MYH10: variants seen among roughly 807,000 people sequenced by gnomAD.
MYH10 encodes the protein myosin heavy chain 10.
Under a neutral mutation model 257.8 loss-of-function variants are expected in MYH10, and 55 were observed. The ratio of observed to expected loss-of-function variants is 0.21; its 90% confidence interval spans 0.17 to 0.27. The LOEUF (loss-of-function observed/expected upper bound fraction) is 0.27. Ranked by LOEUF, MYH10 falls within the 10% of genes least tolerant of loss-of-function variation. MYH10 has a pLI of 1.00. For missense variants in MYH10, 1,631 were observed against 2,500.6 expected, an observed-to-expected ratio of 0.65 and a Z score of 7.42; for synonymous variants, 854 against 921.7, an observed-to-expected ratio of 0.93 and a Z score of 1.33.
chr17:8,592,952 T>C lies in MYH10; in HGVS notation c.503-3844A>G, dbSNP rs1347600118. On this transcript the variant is annotated intron_variant, in intron 3 of 42. Coordinates refer to ENST00000360416, the MANE Select transcript of MYH10 (RefSeq NM_001256012.3). ...ATCCAGCTATATATATATATATATATATATATATATATATATATAAAAGAT... is the reference window on the plus strand; with the variant it reads ...ATCCAGCTATATATATATATATATACATATATATATATATATATAAAAGAT... Among the ~76,000 whole-genome samples the C allele has an allele frequency of 3.6e-4, 41 of 112,574 alleles. 6 individuals are homozygous for C. The highest frequency in any genetic ancestry group is 4.0e-4 in the Non-Finnish European group (21 of 52,068). 73.9% of individuals were successfully genotyped at this position (112,574 alleles called of 152,430 possible). A position where few individuals can be genotyped will look rare whatever the true frequency, so the allele number is the denominator to read the frequency against.
intron 30 of MYH10, among the ~76,000 whole-genome samples, chr17:8,498,764 T>C (rs979751303): frequency 6.6e-6 from 1 of 151,690 alleles, no homozygotes; most frequent in East Asian, 1.9e-4. Flanking sequence ...AGGAGAATAG[T>C]GTGAACCCGG....
chr17:8,518,138 T>A (rs1231395582), intron 21 of MYH10, among the ~76,000 whole-genome samples: 1 of 150,998 alleles, frequency 6.6e-6, no homozygotes, highest in Non-Finnish European at 1.5e-5. Context: ...TGTGTGTGTG[T>A]GTGTGTGTGT....
intron 40 of MYH10, 89 bp downstream of exon 40, chr17:8,480,021 G>A (rs1323386104): frequency 3.8e-6 from 5 of 1,304,992 alleles, no homozygotes; most frequent in Non-Finnish European, 5.3e-6. Context: ...CCCACGTGGT[G>A]GGGAGCCCCC....
intron 38 of MYH10, among the ~76,000 whole-genome samples, chr17:8,480,826 C>T (rs553176519): frequency 1.3e-5 from 2 of 152,232 alleles, no homozygotes; most frequent in East Asian, 3.9e-4. Context: ...GCCAGAGTCG[C>T]TTTCAAAACG....
At chr17:8,558,806 T>C (rs2082892643) in intron 7 of MYH10, among the ~76,000 whole-genome samples, 1 of 152,252 alleles carries the variant, frequency 6.6e-6, no homozygotes, top group African/African-American at 2.4e-5. Context: ...CATCTTTAGA[T>C]TTGTAAGCAT....
chr17:8,625,447 C>T (rs1428815282), intron 1 of MYH10, among the ~76,000 whole-genome samples: 3 of 151,734 alleles, frequency 2.0e-5, no homozygotes, highest in Non-Finnish European at 2.9e-5. Flanking sequence ...CCCAGAGTCC[C>T]TGATTCAGTA....
chr17:8,531,446 G>T (rs764860950), intron 16 of MYH10, among the ~76,000 whole-genome samples: 8 of 151,870 alleles, frequency 5.3e-5, no homozygotes, highest in Non-Finnish European at 1.2e-4. Flanking sequence ...GCAAAAAGTA[G>T]GGCATTATAA....
At chr17:8,600,047 T>G (rs2084531995) in intron 3 of MYH10, among the ~76,000 whole-genome samples, 1 of 152,144 alleles carries the variant, frequency 6.6e-6, no homozygotes. Flanking sequence ...AAGGTAGGAT[T>G]AGCAAGAGTT....
intron 14 of MYH10, among the ~76,000 whole-genome samples, chr17:8,539,485 G>A (rs921052120): frequency 6.6e-6 from 1 of 152,166 alleles, no homozygotes; most frequent in Admixed American, 6.5e-5. Flanking sequence ...CTGTTTTCTG[G>A]CTTCAAGATC....
chr17:8,608,468 G>A (rs534786618), intron 2 of MYH10, among the ~76,000 whole-genome samples: 1 of 152,276 alleles, frequency 6.6e-6, no homozygotes, highest in Non-Finnish European at 1.5e-5. Flanking sequence ...AACATTATTC[G>A]TGGAAGGAAA....
At chr17:8,583,083 A>G (rs1567937602) in intron 4 of MYH10, among the ~76,000 whole-genome samples, 4 of 152,234 alleles carry the variant, frequency 2.6e-5, no homozygotes, top group African/African-American at 9.6e-5. Flanking sequence ...TGTGATCAAC[A>G]TAGGCTTGGA....
chr17:8,586,096 G>GA (rs1356355394), intron 4 of MYH10, among the ~76,000 whole-genome samples: 1 of 152,168 alleles, frequency 6.6e-6, no homozygotes, highest in Non-Finnish European at 1.5e-5. Flanking sequence ...CCCAGATTGA[G>GA]AAAAGCATGC....
At position 8,474,438 on chromosome 17, in the gene MYH10, C is replaced by T. The variant is rs1912174961; in HGVS notation, c.*1366G>A. 1 of 152,566 alleles carries T rather than the reference C, an allele frequency of 6.6e-6. No individual in the cohort carries two copies. Among genetic ancestry groups the T allele is most frequent in the Non-Finnish European group, 1.5e-5 (1 of 68,046 alleles). The allele number at this position is 152,566 out of a possible 1,614,324, so 9.5% of individuals were successfully genotyped here. A position where few individuals can be genotyped will look rare whatever the true frequency, so the allele number is the denominator to read the frequency against. On this transcript the variant is annotated 3_prime_UTR_variant, in exon 43 of 43. Transcript: ENST00000360416. ...GGGAAAATCCAAGATTCCAAACCCA[C>T]AGGACAAATTCTTCCTAATAGATGT...
chr17:8,590,872 C>CTTTTTTTT (rs1567949503), intron 3 of MYH10, among the ~76,000 whole-genome samples: 1 of 14,284 alleles, frequency 7.0e-5, no homozygotes, highest in Admixed American at 1.2e-3. Flanking sequence ...CTCAATGTCG[C>CTTTTTTTT]CTTTTTTTTT....
At chr17:8,525,657 T>G (rs2081817574) in intron 17 of MYH10, among the ~76,000 whole-genome samples, 1 of 152,214 alleles carries the variant, frequency 6.6e-6, no homozygotes, top group Non-Finnish European at 1.5e-5. Context: ...GCTGTCAGTG[T>G]TGTGTGTGTG....
At chr17:8,510,531 T>C (rs953563905) in intron 24 of MYH10, among the ~76,000 whole-genome samples, 4 of 152,200 alleles carry the variant, frequency 2.6e-5, no homozygotes, top group Non-Finnish European at 4.4e-5. Flanking sequence ...TGATAAGTTA[T>C]TTATAATATT....
Position 8,506,100 on chromosome 17 carries a change from T to A in MYH10, c.3386+218A>T, listed in dbSNP as rs1220979730. 2.2e-6 allele frequency: 1 copy of A among 448,948 alleles called. No homozygotes were observed. The highest frequency in any genetic ancestry group is 3.8e-6 in the Non-Finnish European group (1 of 260,196). The allele number at this position is 448,948 out of a possible 1,614,324, so 27.8% of individuals were successfully genotyped here. A position where few individuals can be genotyped will look rare whatever the true frequency, so the allele number is the denominator to read the frequency against. ...TCCAAGGGTTTCATAATATAATTTG[T>A]CATTTTAAAGTATAAATATTGAGAT... On this transcript the variant is annotated intron_variant, in intron 27 of 42. Transcript: ENST00000360416. This position sits in a 1 kb window ranked among gnomAD's most constrained non-coding sequence, Gnocchi z 5.0.
Position 8,552,083 on chromosome 17 carries a change from A to G in MYH10, c.882T>C (p.Phe294=), listed in dbSNP as rs200432425. 10 of 1,562,140 alleles carry G rather than the reference A, an allele frequency of 6.4e-6. No individual in the cohort carries two copies. Among genetic ancestry groups the G allele is most frequent in the Non-Finnish European group, 8.7e-6 (10 of 1,149,602 alleles). ...QAKDERTFHI[F]YQLLSGAGEH... is the part of the protein sequence containing the mutation. ...CTCCTGCTCCAGATAACAACTGGTA[A>G]AAGATATGAAAAGTACGTTCATCTT... Residue 294 remains phenylalanine (F), a synonymous_variant, in exon 9 of 43, where the codon TTT becomes TTC. Coordinates refer to ENST00000360416, the MANE Select transcript of MYH10 (RefSeq NM_001256012.3). This position sits in a 1 kb window ranked among gnomAD's most constrained non-coding sequence, Gnocchi z 4.8.
intron 23 of MYH10, among the ~76,000 whole-genome samples, 188 bp from the exon 24 acceptor site, chr17:8,512,845 T>A (rs1425133704): frequency 6.6e-6 from 1 of 152,182 alleles, no homozygotes; most frequent in African/African-American, 2.4e-5. Flanking sequence ...ATTTTGGTTG[T>A]TCCTGTTGTC....
Sources: allele counts gnomAD v4.1 joint callset (sites outside exome capture counted in the v4.1 genomes callset), GRCh38; gene constraint gnomAD v4.1.1; non-coding constraint Gnocchi (gnomAD v3.1); transcripts MANE v1.5; gene names NCBI Gene and HGNC (gene_info 2026-07-23, HGNC 2026-07-21).